PTPRN2: variants seen among roughly 807,000 people sequenced by gnomAD.
The protein encoded by PTPRN2 is protein tyrosine phosphatase receptor type N2.
PTPRN2 carries 74 observed loss-of-function variants against 118.8 expected under a neutral mutation model. The ratio of observed to expected loss-of-function variants is 0.62; its 90% confidence interval spans 0.52 to 0.76. The LOEUF (loss-of-function observed/expected upper bound fraction) is 0.76, where lower values mean the gene tolerates loss of function less well. PTPRN2 is among the 30% of genes least tolerant of loss of function. The pLI, the probability that PTPRN2 is intolerant of heterozygous loss-of-function variation, is 0.00. For synonymous variants in PTPRN2, 641 were observed against 608.0 expected, an observed-to-expected ratio of 1.05 and a Z score of -0.80; for missense variants, 1,481 against 1,394.4, an observed-to-expected ratio of 1.06 and a Z score of -0.99.
chr7:157,698,957 C>T (rs1797940840), intron 12 of PTPRN2, among the ~76,000 whole-genome samples: 1 of 152,100 alleles, frequency 6.6e-6, no homozygotes, highest in Non-Finnish European at 1.5e-5. Flanking sequence ...TTGAAAATGG[C>T]TAAATAGTGC....
intron 2 of PTPRN2, among the ~76,000 whole-genome samples, chr7:158,336,968 AT>A (rs1805696659): frequency 3.8e-5 from 1 of 26,418 alleles, no homozygotes; most frequent in African/African-American, 6.8e-5. Flanking sequence ...CACTCTCACC[AT>A]AAGAGCTGAT....
chr7:158,203,598 C>G lies in PTPRN2; in HGVS notation c.380+1573G>C, dbSNP rs536121965. ...AGCTTCTGTTTGCCCTGTTCTGCAC[C>G]CCCCCAGAGTGAGGAGGAGCCATCC... On this transcript the variant is annotated intron_variant, in intron 4 of 22. Transcript: ENST00000389418. Among the ~76,000 whole-genome samples, 23 of 151,936 alleles carry G rather than the reference C, an allele frequency of 1.5e-4. No individual in the cohort carries two copies. The South Asian group carries it at 3.8e-3, about 25-fold the overall frequency.
intron 14 of PTPRN2, among the ~76,000 whole-genome samples, chr7:157,654,438 T>A (rs1284254371): frequency 2.0e-5 from 3 of 152,186 alleles, no homozygotes; most frequent in Admixed American, 6.5e-5. Flanking sequence ...ATGAGGAAGA[T>A]CCAGTTTCCC....
At chr7:157,829,062 G>T (rs1042800833) in intron 12 of PTPRN2, among the ~76,000 whole-genome samples, 1 of 152,246 alleles carries the variant, frequency 6.6e-6, no homozygotes, top group Non-Finnish European at 1.5e-5. Flanking sequence ...TCCAGGACAC[G>T]TCTGCGATGC....
chr7:158,441,440 C>CG (rs1817184653), intron 2 of PTPRN2, among the ~76,000 whole-genome samples: 1 of 121,574 alleles, frequency 8.2e-6, no homozygotes, highest in Non-Finnish European at 1.7e-5. Flanking sequence ...ATGGTGATGG[C>CG]AGTGGTGGCA....
intron 2 of PTPRN2, among the ~76,000 whole-genome samples, chr7:158,436,121 C>T (rs542637031): frequency 3.3e-5 from 5 of 152,258 alleles, no homozygotes; most frequent in South Asian, 2.1e-4. Context: ...TAGTGTAACA[C>T]GCATTATCGC....
chr7:157,852,646 G>A (rs140973253), intron 12 of PTPRN2, among the ~76,000 whole-genome samples: 4,892 of 152,176 alleles, frequency 0.032, 263 homozygotes, highest in African/African-American at 0.11. Context: ...TGAGAAGGGC[G>A]GATCACGAGG....
Position 158,107,736 on chromosome 7 carries a change from A to G in PTPRN2, c.1643+3093T>C, listed in dbSNP as rs1005420542. On this transcript the variant is annotated intron_variant, in intron 10 of 22. Transcript: ENST00000389418. ...AAGTCACCCAGTGGCCACCCACTGC[A>G]GTCACGCTGTACCTGCTCTCTTCCC... 2.6e-5 allele frequency among the ~76,000 whole-genome samples: 4 copies of G among 152,158 alleles called. 1 individual carries two copies. Among genetic ancestry groups the G allele is most frequent in the African/African-American group, 9.7e-5 (4 of 41,432 alleles).
intron 1 of PTPRN2, among the ~76,000 whole-genome samples, chr7:158,532,304 T>G (rs1825307206): frequency 6.6e-6 from 1 of 152,178 alleles, no homozygotes; most frequent in African/African-American, 2.4e-5. Context: ...GTCACGTCTC[T>G]ATGACCAGGC....
intron 6 of PTPRN2, among the ~76,000 whole-genome samples, chr7:158,149,803 C>CAAAAAAAAAAA (rs33958927): frequency 8.2e-6 from 1 of 121,682 alleles, no homozygotes; most frequent in African/African-American, 3.2e-5. Context: ...GAGTCCATCT[C>CAAAAAAAAAAA]AAAAAAAAAA....
At chr7:157,658,551 C>T (rs940542858) in intron 13 of PTPRN2, among the ~76,000 whole-genome samples, 8 of 152,340 alleles carry the variant, frequency 5.3e-5, no homozygotes, top group South Asian at 2.1e-4. Context: ...GTATGGGACC[C>T]GCCTGCAGGC....
At position 158,544,225 on chromosome 7, in the gene PTPRN2, C is replaced by G. The variant is rs1442151578; in HGVS notation, c.112+43333G>C. Among the ~76,000 whole-genome samples, 2 of 152,130 alleles carry G rather than the reference C, an allele frequency of 1.3e-5. No individual in the cohort carries two copies. The highest frequency in any genetic ancestry group is 2.4e-5 in the African/African-American group (1 of 41,416). On this transcript the variant is annotated intron_variant, in intron 1 of 22. Coordinates refer to ENST00000389418, the MANE Select transcript of PTPRN2 (RefSeq NM_002847.5). This position sits in a 1 kb window ranked among gnomAD's most constrained non-coding sequence, Gnocchi z 4.2. The stretch of plus-strand genomic sequence containing the variant: ...CCCGGTGTGACTGGGCCAATGAACC[C>G]AAAAACAGGAACGGCAACGTTGACT...
intron 2 of PTPRN2, among the ~76,000 whole-genome samples, chr7:158,363,569 C>T (rs890715563): frequency 5.9e-5 from 9 of 152,176 alleles, no homozygotes; most frequent in Admixed American, 6.5e-5. Context: ...CAGTCTTGAT[C>T]GTCACATTTC....
rs528012769 is a variant in PTPRN2, at chr7:157,820,975, C to T, written c.1788+77698G>A. 7.2e-5 allele frequency among the ~76,000 whole-genome samples: 11 copies of T among 152,190 alleles called. No homozygotes were observed. In the South Asian group the frequency reaches 1.2e-3, roughly 17 times the overall value. ...CCCCGCAGCCTGGTGGAGTCTCCCA[C>T]GCTGGAGGGGAGGCAAGAGTGCACC... On this transcript the variant is annotated intron_variant, in intron 12 of 22. Transcript: ENST00000389418.
At chr7:157,594,810 C>T (rs910631696) in intron 17 of PTPRN2, among the ~76,000 whole-genome samples, 6 of 152,170 alleles carry the variant, frequency 3.9e-5, no homozygotes, top group African/African-American at 7.2e-5. Flanking sequence ...GGGCTTGCGT[C>T]GAGTAGAGAA....
intron 11 of PTPRN2, among the ~76,000 whole-genome samples, chr7:158,075,805 G>A (rs574083513): frequency 6.6e-6 from 1 of 152,316 alleles, no homozygotes; most frequent in South Asian, 2.1e-4. Flanking sequence ...GCAGCAGGAT[G>A]AGCACGAGCC....
chr7:157,779,788 G>T lies in PTPRN2; in HGVS notation c.1789-96851C>A, dbSNP rs1336215033. 6.6e-6 allele frequency among the ~76,000 whole-genome samples: 1 copy of T among 152,172 alleles called. No homozygotes were observed. Among genetic ancestry groups the T allele is most frequent in the Non-Finnish European group, 1.5e-5 (1 of 68,018 alleles). On this transcript the variant is annotated intron_variant, in intron 12 of 22. Transcript: ENST00000389418. The surrounding 1 kb of genome is among the most constrained non-coding windows in gnomAD (Gnocchi z 4.7). Reference sequence around the variant, plus strand: ...GCTGGGTCACCCAGGGCACCCCGAGGTCATCAGCCTGAGGAAGAGTGCTGG... The same window carrying T: ...GCTGGGTCACCCAGGGCACCCCGAGTTCATCAGCCTGAGGAAGAGTGCTGG...
intron 10 of PTPRN2, among the ~76,000 whole-genome samples, chr7:158,105,080 G>C (rs1361600776): frequency 7.0e-6 from 1 of 142,554 alleles, no homozygotes; most frequent in Non-Finnish European, 1.5e-5. Context: ...CTCCATCCCA[G>C]CTCCATCCTC....
intron 2 of PTPRN2, among the ~76,000 whole-genome samples, chr7:158,341,837 C>T (rs1253381777): frequency 3.2e-5 from 3 of 93,050 alleles, no homozygotes; most frequent in Admixed American, 2.0e-4. Flanking sequence ...ACGTCACTCA[C>T]ACCCACACTC....
Sources: allele counts gnomAD v4.1 joint callset (sites outside exome capture counted in the v4.1 genomes callset), GRCh38; gene constraint gnomAD v4.1.1; non-coding constraint Gnocchi (gnomAD v3.1); transcripts MANE v1.5; gene names NCBI Gene and HGNC (gene_info 2026-07-23, HGNC 2026-07-21).